Variants in GBGT1 observed in about 807,000 individuals in gnomAD.
The protein encoded by GBGT1 is globoside alpha-1,3-N-acetylgalactosaminyltransferase 1.
Under a neutral mutation model 20.9 loss-of-function variants are expected in GBGT1, and 18 were observed. The observed-to-expected ratio is 0.86, with a 90% CI of 0.60 to 1.28. The LOEUF is 1.28. GBGT1 is among the 50% of genes most tolerant of loss of function. The pLI, the probability that GBGT1 is intolerant of heterozygous loss-of-function variation, is 0.00. For synonymous variants in GBGT1, 168 were observed against 180.8 expected, an observed-to-expected ratio of 0.93 and a Z score of 0.57; for missense variants, 432 against 455.7, an observed-to-expected ratio of 0.95 and a Z score of 0.47.
rs200351395 is a variant in GBGT1 at position 133,153,861 on chromosome 9, T to C, written c.760A>G (p.Ser254Gly). The C allele has an allele frequency of 4.6e-5, 74 of 1,600,236 alleles. 1 individual carries two copies. The East Asian group carries it at 1.6e-3, about 35-fold the overall frequency. Residue 254 changes from serine to glycine, a missense_variant, in exon 7 of 7, where the codon AGC (serine) becomes GGC (glycine). Transcript: ENST00000372040. ...RRVSTAFVAD[S>G]EGDFYYGGAV... ...CCACCATAATAGAAGTCCCCTTCGC[T>C]GTCTGCCACAAAGGCAGTGGAAACA...
intron 3 of GBGT1, among the ~76,000 whole-genome samples, chr9:133,156,833 A>C (rs568182725): frequency 6.6e-6 from 1 of 152,228 alleles, no homozygotes; most frequent in Non-Finnish European, 1.5e-5. Context: ...TGATTTTTTA[A>C]AATTTTGTAG....
chr9:133,159,053 T>C (rs1287686002), intron 3 of GBGT1, among the ~76,000 whole-genome samples: 3 of 152,098 alleles, frequency 2.0e-5, no homozygotes, highest in African/African-American at 7.2e-5. Flanking sequence ...CTTAGCCTCC[T>C]GGGATCAAGT....
In GBGT1 at chr9:133,155,184, AC is replaced by A; in HGVS notation, c.352del (p.Val118TrpfsTer184). 1 of 1,613,584 alleles carries A rather than the reference AC, an allele frequency of 6.2e-7. No homozygotes were observed. Among genetic ancestry groups the A allele is most frequent in the Non-Finnish European group, 8.5e-7 (1 of 1,179,772 alleles). The part of the protein sequence containing the change: ...NLTIGVTVFA[V>X]GKYTHFIQSF... ...TCCCCAGCCCACTACTCACTTCCCCACGGCAAACACCGTGACCCCAATGGTC... is the reference window on the plus strand; with the variant it reads ...TCCCCAGCCCACTACTCACTTCCCCAGGCAAACACCGTGACCCCAATGGTC... On this transcript the variant is annotated frameshift_variant, in exon 6 of 7. Coordinates refer to ENST00000372040, the MANE Select transcript of GBGT1 (RefSeq NM_021996.6). LOFTEE classifies it low-confidence loss of function (END_TRUNC).
At position 133,154,216 on chromosome 9, in the gene GBGT1, G is replaced by T; in HGVS notation, c.405C>A (p.Phe135Leu). The change falls in exon 7 of 7, where the codon TTC becomes TTA. Residue 135 changes from phenylalanine to leucine, a missense_variant. Transcript: ENST00000372040. This position sits in a 1 kb window ranked among gnomAD's most constrained non-coding sequence, Gnocchi z 4.2. Reference protein sequence around the residue: ...IQSFLESAEEFFMRGYRVHYY... With the variant: ...IQSFLESAEELFMRGYRVHYY... ...AGTGCACCCGGTACCCACGCATGAAGAACTCCTCGGCTGACTCCAGGAAGG... is the reference window on the plus strand; with the variant it reads ...AGTGCACCCGGTACCCACGCATGAATAACTCCTCGGCTGACTCCAGGAAGG... The T allele has an allele frequency of 6.5e-7, 1 of 1,547,252 alleles. No individual in the cohort carries two copies. Among genetic ancestry groups the T allele is most frequent in the East Asian group, 2.3e-5 (1 of 44,000 alleles).
At chr9:133,161,325 A>T in intron 3 of GBGT1, 142 bp downstream of exon 3, 1 of 570,612 alleles carries the variant, frequency 1.8e-6, no homozygotes, top group Non-Finnish European at 3.1e-6. Flanking sequence ...CCCTTAAATT[A>T]CATAAATACT....
At chr9:133,155,977 C>T in intron 4 of GBGT1, 38 bp downstream of exon 4, 2 of 1,613,612 alleles carry the variant, frequency 1.2e-6, no homozygotes, top group Admixed American at 1.7e-5. Flanking sequence ...GAGCCACCAC[C>T]CTCACGGCCA....
At chr9:133,160,115 T>G in intron 3 of GBGT1, 1 of 329,886 alleles carries the variant, frequency 3.0e-6, no homozygotes, top group South Asian at 2.2e-5. Flanking sequence ...CATGATGAAA[T>G]GCTGTTTCTA....
intron 3 of GBGT1, among the ~76,000 whole-genome samples, chr9:133,156,673 A>G (rs1832880731): frequency 7.0e-6 from 1 of 143,454 alleles, no homozygotes; most frequent in South Asian, 2.2e-4. Flanking sequence ...AAAAAAAAGG[A>G]AGAAAAGCTG....
rs778387138 is a variant in GBGT1 at position 133,155,854 on chromosome 9, T to G, written c.224+47A>C. The G allele has an allele frequency of 6.2e-6, 10 of 1,602,380 alleles. No homozygotes were observed. In the East Asian group the frequency reaches 2.0e-4, roughly 32 times the overall value. ...TACCCCACCTTATAAATCAGAGCTC[T>G]TTTGTCCTTTTCCCCCGCCCCCATC... is the stretch of plus-strand genomic sequence containing the variant. On this transcript the variant is annotated intron_variant, in intron 5 of 6. Coordinates refer to ENST00000372040, the MANE Select transcript of GBGT1 (RefSeq NM_021996.6).
Position 133,153,486 on chromosome 9 carries a change from G to T in GBGT1, c.*91C>A. 1 of 903,230 alleles carries T rather than the reference G, an allele frequency of 1.1e-6. No homozygotes were observed. 56.0% of individuals were successfully genotyped at this position (903,230 alleles called of 1,614,324 possible). ...CCGGTTGAATTCGCCTGACTGACAG[G>T]GAGGCGGGACAGGGCTGGTCTGCAC... is the stretch of plus-strand genomic sequence containing the variant. On this transcript the variant is annotated 3_prime_UTR_variant, in exon 7 of 7. Transcript: ENST00000372040.
intron 3 of GBGT1, among the ~76,000 whole-genome samples, chr9:133,157,954 G>A (rs1370789014): frequency 1.3e-5 from 2 of 152,198 alleles, no homozygotes; most frequent in Non-Finnish European, 2.9e-5. Context: ...AGACCATCCT[G>A]GGCAACATGG....
In GBGT1 at chr9:133,156,801, G is replaced by C. The variant is rs531738660; in HGVS notation, c.138-736C>G. Among the ~76,000 whole-genome samples the C allele has an allele frequency of 9.8e-5, 15 of 152,298 alleles. No homozygotes were observed. In the South Asian group the frequency reaches 3.1e-3, roughly 32 times the overall value. On this transcript the variant is annotated intron_variant, in intron 3 of 6. Transcript: ENST00000372040. ...GCCTCCTGAGTAGCTGGACCTGCCA[G>C]GCACTCATTACCACCCCCGGCTGAT...
In GBGT1 at chr9:133,153,516, G is replaced by T; in HGVS notation, c.*61C>A. ...CGGGACAGGGCTGGTCTGCACGCTAGTGAAGCACTGGTGGCTGCAGGTCTT... is the reference window on the plus strand; with the variant it reads ...CGGGACAGGGCTGGTCTGCACGCTATTGAAGCACTGGTGGCTGCAGGTCTT... On this transcript the variant is annotated 3_prime_UTR_variant, in exon 7 of 7. Coordinates refer to ENST00000372040, the MANE Select transcript of GBGT1 (RefSeq NM_021996.6). 7.9e-7 allele frequency: 1 copy of T among 1,264,168 alleles called. No homozygotes were observed. Among genetic ancestry groups the T allele is most frequent in the Non-Finnish European group, 1.1e-6 (1 of 906,310 alleles). 78.3% of individuals were successfully genotyped at this position (1,264,168 alleles called of 1,614,324 possible).
rs1370225808 is a variant in GBGT1, at chr9:133,155,888, C to G, written c.224+13G>C. ...TTTCCCCCGCCCCCATCAGGCCTCT[C>G]CATGACACCTACCTGTGCTCCAGCA... On this transcript the variant is annotated intron_variant, in intron 5 of 6. Transcript: ENST00000372040. 3 of 1,614,006 alleles carry G rather than the reference C, an allele frequency of 1.9e-6. No homozygotes were observed. The South Asian group carries it at 3.3e-5, about 18-fold the overall frequency.
Position 133,155,321 on chromosome 9 carries a change from AG to A in GBGT1, c.225-10del, listed in dbSNP as rs769093035. ...TCAGCAGCTGTGTGGGCCTGGCAGC[AG>A]GGGGGCCGTGGGCACTGAGACCCTC... On this transcript the variant is annotated splice_polypyrimidine_tract_variant and intron_variant, in intron 5 of 6. Transcript: ENST00000372040. The A allele has an allele frequency of 1.9e-6, 3 of 1,613,672 alleles. No homozygotes were observed. The highest frequency in any genetic ancestry group is 2.2e-5 in the East Asian group (1 of 44,874).
intron 3 of GBGT1, among the ~76,000 whole-genome samples, chr9:133,160,459 A>G (rs1477161550): frequency 6.6e-6 from 1 of 152,148 alleles, no homozygotes; most frequent in Non-Finnish European, 1.5e-5. Context: ...GGCAGGGCAC[A>G]TGAATGAGTG....
At position 133,154,247 on chromosome 9, in the gene GBGT1, AT is replaced by A; in HGVS notation, c.373del (p.Ile125SerfsTer177). On this transcript the variant is annotated frameshift_variant, in exon 7 of 7. Coordinates refer to ENST00000372040, the MANE Select transcript of GBGT1 (RefSeq NM_021996.6). LOFTEE classifies it low-confidence loss of function (END_TRUNC). This position sits in a 1 kb window ranked among gnomAD's most constrained non-coding sequence, Gnocchi z 4.2. Reference protein sequence around the residue: ...VFAVGKYTHFIQSFLESAEEF... With the variant: ...VFAVGKYTHFXQSFLESAEEF... ...CTCGGCTGACTCCAGGAAGGACTGGATGAAATGAGTGTACCTAGTGATGATC... is the reference window on the plus strand; with the variant it reads ...CTCGGCTGACTCCAGGAAGGACTGGAGAAATGAGTGTACCTAGTGATGATC... The A allele has an allele frequency of 6.5e-7, 1 of 1,527,388 alleles. No homozygotes were observed. The highest frequency in any genetic ancestry group is 8.8e-7 in the Non-Finnish European group (1 of 1,133,280). The allele number at this position is 1,527,388 out of a possible 1,614,324, so 94.6% of individuals were successfully genotyped here.
In GBGT1 at chr9:133,153,672, C is replaced by T. The variant is rs151100399; in HGVS notation, c.949G>A (p.Glu317Lys). ...GGCTTCCTGTCGTCCCAGAGGTACT[C>T]GGGGGACAGCACCTTGGACGGCTTG... is the stretch of plus-strand genomic sequence containing the variant. ...SNKPSKVLSPEYLWDDRKPQP... is the reference protein window; with the variant it reads ...SNKPSKVLSPKYLWDDRKPQP... Residue 317 changes from glutamate (E) to lysine (K), a missense_variant, in exon 7 of 7, where the codon GAG (glutamate) becomes AAG (lysine). By Grantham distance (56) the Glu-to-Lys change is moderately conservative (BLOSUM62 1). Transcript: ENST00000372040. The T allele has an allele frequency of 3.2e-5, 51 of 1,613,188 alleles. No individual in the cohort carries two copies. Among genetic ancestry groups the T allele is most frequent in the Middle Eastern group, 3.3e-4 (2 of 6,078 alleles).
intron 3 of GBGT1, among the ~76,000 whole-genome samples, chr9:133,159,248 G>T (rs1034709129): frequency 6.6e-6 from 1 of 152,110 alleles, no homozygotes; most frequent in Non-Finnish European, 1.5e-5. Context: ...GGCATAAGCC[G>T]CTACACCCAG....
Sources: gnomAD v4.1 joint callset for allele counts (sites outside exome capture counted in the v4.1 genomes callset) on GRCh38, gnomAD v4.1.1 for gene constraint, Gnocchi (gnomAD v3.1) non-coding constraint, MANE v1.5 for transcripts, NCBI Gene and HGNC (gene_info 2026-07-23, HGNC 2026-07-21) for gene names.